The following MTHFD2L variants were observed in gnomAD, a reference collection of about 807,000 sequenced individuals.
The protein encoded by MTHFD2L is methylenetetrahydrofolate dehydrogenase (NADP+ dependent) 2 like.
MTHFD2L carries 29 observed loss-of-function variants against 34.9 expected under a neutral mutation model. The ratio of observed to expected loss-of-function variants is 0.83; its 90% CI spans 0.62 to 1.13. The LOEUF is 1.13. MTHFD2L is among the 50% of genes most tolerant of loss of function. The pLI is 0.00. For missense variants in MTHFD2L, 481 were observed against 446.5 expected, an observed-to-expected ratio of 1.08 and a Z score of -0.70; for synonymous variants, 167 against 155.7, an observed-to-expected ratio of 1.07 and a Z score of -0.54.
chr4:74,137,534 G>A (rs1362601401), intron 1 of MTHFD2L, among the ~76,000 whole-genome samples: 1 of 151,940 alleles, frequency 6.6e-6, no homozygotes, highest in Non-Finnish European at 1.5e-5. Context: ...AGTACAGCCA[G>A]TACAGAAGAT....
At chr4:74,122,738 T>A (rs557554833), upstream of MTHFD2L, among the ~76,000 whole-genome samples, 19 of 152,232 alleles carry the variant, frequency 1.2e-4, no homozygotes, top group South Asian at 3.5e-3. Flanking sequence ...CCTGAAACAG[T>A]TTTATCTATC....
At chr4:74,147,136 G>A (rs79587577) in intron 1 of MTHFD2L, among the ~76,000 whole-genome samples, 6,378 of 152,174 alleles carry the variant, frequency 0.042, 228 homozygotes, top group South Asian at 0.15. Flanking sequence ...TGAAGGATTA[G>A]TTATTTATTC....
intron 3 of MTHFD2L, among the ~76,000 whole-genome samples, chr4:74,181,181 T>C (rs548181290): frequency 1.3e-5 from 2 of 152,232 alleles, no homozygotes; most frequent in Non-Finnish European, 2.9e-5. Context: ...TGAATTTGAT[T>C]TAAGAGGGTT....
At chr4:74,215,147 GTGGGATCCGC>G (rs1736983619) in intron 5 of MTHFD2L, among the ~76,000 whole-genome samples, 2 of 151,756 alleles carry the variant, frequency 1.3e-5, no homozygotes, top group East Asian at 3.8e-4. Context: ...GCTCTGTAGG[GTGGGATCCGC>G]TGAACTAGAC....
intron 7 of MTHFD2L, 73 bp downstream of exon 7, chr4:74,281,623 A>C: frequency 7.0e-7 from 1 of 1,430,020 alleles, no homozygotes; most frequent in East Asian, 2.4e-5. Flanking sequence ...AAAATAGAGA[A>C]GTTTCATTTA....
chr4:74,281,623 A>G (rs1011876689), intron 7 of MTHFD2L, 73 bp downstream of exon 7: 101 of 1,429,902 alleles, frequency 7.1e-5, no homozygotes, highest in Middle Eastern at 2.1e-4. Flanking sequence ...AAAATAGAGA[A>G]GTTTCATTTA....
intron 6 of MTHFD2L, among the ~76,000 whole-genome samples, chr4:74,266,576 T>C (rs1388424961): frequency 6.6e-6 from 1 of 152,118 alleles, no homozygotes; most frequent in Non-Finnish European, 1.5e-5. Flanking sequence ...CCAGGGAGCA[T>C]TGACTAGCAA....
intron 1 of MTHFD2L, among the ~76,000 whole-genome samples, chr4:74,147,015 A>G (rs1288865255): frequency 6.6e-6 from 1 of 151,990 alleles, no homozygotes; most frequent in Non-Finnish European, 1.5e-5. Flanking sequence ...AATTTTCTTT[A>G]ATACATTTCT....
chr4:74,262,423 A>G (rs1471580313), intron 6 of MTHFD2L, among the ~76,000 whole-genome samples: 1 of 151,930 alleles, frequency 6.6e-6, no homozygotes, highest in Non-Finnish European at 1.5e-5. Flanking sequence ...AATTCCTAAA[A>G]TCTATGGAAC....
intron 1 of MTHFD2L, among the ~76,000 whole-genome samples, chr4:74,164,524 G>T (rs919026554): frequency 1.3e-5 from 2 of 152,186 alleles, no homozygotes; most frequent in Admixed American, 6.5e-5. Flanking sequence ...AATGTTTCTG[G>T]TTATCGAAAT....
chr4:74,170,718 T>G (rs1560440107), intron 1 of MTHFD2L, among the ~76,000 whole-genome samples: 1 of 151,604 alleles, frequency 6.6e-6, no homozygotes, highest in Non-Finnish European at 1.5e-5. Flanking sequence ...CAAAGAACTT[T>G]AAAAAAACCC....
chr4:74,200,879 T>A (rs1225049288), intron 4 of MTHFD2L, among the ~76,000 whole-genome samples: 9 of 152,238 alleles, frequency 5.9e-5, no homozygotes, highest in Non-Finnish European at 1.2e-4. Flanking sequence ...CTTTTCTTAC[T>A]TGTTTTGTTC....
rs368638617 is a variant in MTHFD2L, at chr4:74,201,421, T to A, written c.712+51T>A. ...ACTCTCTCGCAGTATTCTTACTTCT[T>A]ACATCATCAAGTAAACACTTTTGAT... is the stretch of plus-strand genomic sequence containing the variant. On this transcript the variant is annotated intron_variant, in intron 5 of 7. Transcript: ENST00000325278. The A allele has an allele frequency of 2.2e-6, 3 of 1,351,702 alleles. No individual in the cohort carries two copies. The African/African-American group carries it at 4.3e-5, about 20-fold the overall frequency. The allele number at this position is 1,351,702 out of a possible 1,614,324, so 83.7% of individuals were successfully genotyped here.
chr4:74,247,545 C>A (rs1742657530), intron 6 of MTHFD2L, among the ~76,000 whole-genome samples: 1 of 152,130 alleles, frequency 6.6e-6, no homozygotes, highest in Non-Finnish European at 1.5e-5. Flanking sequence ...AGAGGGCATC[C>A]CTGTCTTGTG....
intron 5 of MTHFD2L, among the ~76,000 whole-genome samples, chr4:74,216,423 G>T (rs181008341): frequency 6.6e-6 from 1 of 151,758 alleles, no homozygotes; most frequent in South Asian, 2.1e-4. Context: ...ATTTTAGAAG[G>T]CTCCATGGAA....
At chr4:74,171,851 G>A (rs892019502) in intron 1 of MTHFD2L, among the ~76,000 whole-genome samples, 3 of 152,162 alleles carry the variant, frequency 2.0e-5, no homozygotes, top group African/African-American at 7.2e-5. Context: ...TAAAGCATAT[G>A]TGTTATAAAA....
intron 1 of MTHFD2L, 87 bp downstream of exon 1, chr4:74,158,368 A>G (rs1431626478): frequency 1.3e-5 from 13 of 1,013,874 alleles, no homozygotes; most frequent in Middle Eastern, 9.0e-4. Flanking sequence ...CGTGGGGCCC[A>G]AGGCTCGTGG....
chr4:74,291,099 C>T (rs1302466145), intron 7 of MTHFD2L, among the ~76,000 whole-genome samples: 1 of 140,824 alleles, frequency 7.1e-6, no homozygotes, highest in African/African-American at 2.6e-5. Context: ...CTCACTGCAG[C>T]CTCCACCTCC....
intron 4 of MTHFD2L, among the ~76,000 whole-genome samples, 191 bp downstream of exon 4, chr4:74,200,137 C>T (rs1734176292): frequency 6.6e-6 from 1 of 151,894 alleles, no homozygotes; most frequent in African/African-American, 2.4e-5. Context: ...ACAGTAAAAC[C>T]CTGTCTCTAC....
Sources: allele counts gnomAD v4.1 joint callset (sites outside exome capture counted in the v4.1 genomes callset), GRCh38; gene constraint gnomAD v4.1.1; transcripts MANE v1.5; gene names NCBI Gene and HGNC (gene_info 2026-07-23, HGNC 2026-07-21).